HERC3: variants seen among roughly 807,000 people sequenced by gnomAD.
HERC3 encodes the protein HECT and RLD domain containing E3 ubiquitin protein ligase 3, also known as probable E3 ubiquitin-protein ligase HERC3.
A neutral mutation model predicts 129.9 loss-of-function variants in HERC3; 58 were observed. That is an observed-to-expected ratio of 0.45 (90% CI 0.36 to 0.56). The LOEUF is 0.56. Among genes scored for constraint, HERC3 ranks in the 20% least tolerant of loss-of-function variants. The pLI, the probability that HERC3 is intolerant of heterozygous loss-of-function variation, is 0.00. For synonymous variants in HERC3, 430 were observed against 451.0 expected (o/e 0.95, Z 0.59); for missense variants, 835 against 1,244.2 (o/e 0.67, Z 4.95).
At chr4:88,664,075 T>TA in intron 11 of HERC3, 78 bp from the exon 12 acceptor site, 1 of 1,200,286 alleles carries the variant, frequency 8.3e-7, no homozygotes, top group Non-Finnish European at 1.2e-6. Context: ...AGTAGATGGT[T>TA]ACTTTATTAT....
chr4:88,690,023 T>A, intron 23 of HERC3: 2 of 985,122 alleles, frequency 2.0e-6, no homozygotes, highest in Non-Finnish European at 2.4e-6. Context: ...CAGAGTTGAG[T>A]GAAATGATGC....
chr4:88,600,400 C>A (rs530464104), intron 2 of HERC3, among the ~76,000 whole-genome samples: 1 of 152,192 alleles, frequency 6.6e-6, no homozygotes, highest in Non-Finnish European at 1.5e-5. Context: ...AGCCAGCTGA[C>A]GCATAACCTT....
At chr4:88,587,905 C>T (rs1721572429), upstream of HERC3, among the ~76,000 whole-genome samples, 1 of 152,188 alleles carries the variant, frequency 6.6e-6, no homozygotes, top group Non-Finnish European at 1.5e-5. Flanking sequence ...TGTGGGATGC[C>T]ATTTCTAAGA....
At chr4:88,664,479 G>A (rs1176561577) in intron 12 of HERC3, among the ~76,000 whole-genome samples, 1 of 152,150 alleles carries the variant, frequency 6.6e-6, no homozygotes, top group Non-Finnish European at 1.5e-5. Flanking sequence ...ATGGTGGTTG[G>A]CCTTAATTTA....
chr4:88,525,600 C>T, the HERC3 span, among the ~76,000 whole-genome samples: 1 of 152,116 alleles, frequency 6.6e-6, no homozygotes. Context: ...GGGTTTGAGG[C>T]AGTTCAGTTT....
chr4:88,536,496 A>T, the HERC3 span, among the ~76,000 whole-genome samples: 30 of 152,176 alleles, frequency 2.0e-4, no homozygotes, highest in African/African-American at 6.8e-4. Context: ...AACATTTATT[A>T]CTTCTTTACA....
chr4:88,633,708 C>T (rs1727025604), intron 3 of HERC3, among the ~76,000 whole-genome samples: 1 of 150,564 alleles, frequency 6.6e-6, no homozygotes, highest in Non-Finnish European at 1.5e-5. Context: ...CTAAACAAAA[C>T]AACCCAAATA....
chr4:88,682,499 T>A (rs1292100670), intron 21 of HERC3, among the ~76,000 whole-genome samples: 1 of 106,006 alleles, frequency 9.4e-6, no homozygotes, highest in Non-Finnish European at 1.8e-5. Flanking sequence ...CAGGCCCCAG[T>A]GTGTGATGTT....
rs572660626 is a variant in HERC3, at chr4:88,676,169, T to A, written c.1912-49T>A. On this transcript the variant is annotated intron_variant, in intron 16 of 25. Coordinates refer to ENST00000402738, the MANE Select transcript of HERC3 (RefSeq NM_014606.3). ...TATTTTACTTTTGGAGGGATTAAAATTCAGGGTTTACAATTTAAGTAAGAG... is the reference window on the plus strand; with the variant it reads ...TATTTTACTTTTGGAGGGATTAAAAATCAGGGTTTACAATTTAAGTAAGAG... 8.0e-6 allele frequency: 11 copies of A among 1,376,488 alleles called. No individual in the cohort carries two copies. In the African/African-American group the frequency reaches 1.2e-4, roughly 15 times the overall value. The allele number at this position is 1,376,488 out of a possible 1,614,324, so 85.3% of individuals were successfully genotyped here. A position where few individuals can be genotyped will look rare whatever the true frequency, so the allele number is the denominator to read the frequency against.
chr4:88,589,078 A>G (rs927297347), upstream of HERC3, among the ~76,000 whole-genome samples: 7 of 151,300 alleles, frequency 4.6e-5, no homozygotes, highest in African/African-American at 1.2e-4. Flanking sequence ...GTGTGTGTGT[A>G]TGTGCACGCG....
chr4:88,624,675 TAAC>T (rs1208551478), intron 3 of HERC3, among the ~76,000 whole-genome samples: 3 of 152,218 alleles, frequency 2.0e-5, no homozygotes, highest in Non-Finnish European at 2.9e-5. Flanking sequence ...TTCGGTTTCT[TAAC>T]AGTGCGTTTT....
chr4:88,542,786 T>C, the HERC3 span, among the ~76,000 whole-genome samples: 1 of 152,102 alleles, frequency 6.6e-6, no homozygotes, highest in African/African-American at 2.4e-5. Flanking sequence ...GTTCAACACA[T>C]GCCAATCAAT....
At chr4:88,626,653 A>G (rs1288551826) in intron 3 of HERC3, among the ~76,000 whole-genome samples, 1 of 152,060 alleles carries the variant, frequency 6.6e-6, no homozygotes, top group Non-Finnish European at 1.5e-5. Flanking sequence ...GAGGTTTCTT[A>G]GTTCATGTCT....
chr4:88,621,069 A>G (rs1470763220), intron 3 of HERC3, among the ~76,000 whole-genome samples: 5 of 152,008 alleles, frequency 3.3e-5, no homozygotes, highest in Non-Finnish European at 1.5e-5. Flanking sequence ...TGTATCCTCA[A>G]CACCTAGAAC....
the HERC3 span, among the ~76,000 whole-genome samples, chr4:88,541,900 A>T: frequency 1.3e-5 from 2 of 152,242 alleles, no homozygotes; most frequent in Non-Finnish European, 2.9e-5. Context: ...GAAACCAATG[A>T]GAACAAAGAC....
At chr4:88,653,451 CAT>C (rs1729512917) in intron 6 of HERC3, among the ~76,000 whole-genome samples, 1 of 152,134 alleles carries the variant, frequency 6.6e-6, no homozygotes, top group Non-Finnish European at 1.5e-5. Context: ...CAAAGGTGCT[CAT>C]GTGGGAAGAG....
the HERC3 span, among the ~76,000 whole-genome samples, chr4:88,569,561 T>A: frequency 6.6e-6 from 1 of 152,252 alleles, no homozygotes; most frequent in Non-Finnish European, 1.5e-5. Flanking sequence ...CTCTATTTGT[T>A]ACTTTCAATA....
At chr4:88,574,959 T>G in the HERC3 span, among the ~76,000 whole-genome samples, 1 of 152,162 alleles carries the variant, frequency 6.6e-6, no homozygotes, top group South Asian at 2.1e-4. Context: ...CATATGGAAT[T>G]AATAATTATA....
intron 23 of HERC3, among the ~76,000 whole-genome samples, chr4:88,694,711 C>T (rs1047661759): frequency 7.2e-5 from 11 of 152,188 alleles, no homozygotes; most frequent in South Asian, 2.1e-4. Context: ...GAAGAACTGA[C>T]GTTTTTGTGA....
Sources: allele counts gnomAD v4.1 joint callset (sites outside exome capture counted in the v4.1 genomes callset), GRCh38; gene constraint gnomAD v4.1.1; transcripts MANE v1.5; gene names NCBI Gene and HGNC (gene_info 2026-07-23, HGNC 2026-07-21).